KIF13B: variants seen among roughly 807,000 people sequenced by gnomAD.
KIF13B encodes the protein kinesin family member 13B, also known as kinesin-like protein KIF13B.
Under a neutral mutation model 222.0 loss-of-function variants are expected in KIF13B, and 127 were observed. The ratio of observed to expected loss-of-function variants is 0.57; its 90% confidence interval spans 0.50 to 0.66. The LOEUF is 0.66. Among genes scored for constraint, KIF13B ranks in the 30% least tolerant of loss-of-function variants. The pLI is 0.00. For synonymous variants in KIF13B, 976 were observed against 919.0 expected (o/e 1.06, Z -1.12); for missense variants, 2,173 against 2,379.0 (o/e 0.91, Z 1.80).
intron 21 of KIF13B, 121 bp downstream of exon 21, chr8:29,139,942 G>A: frequency 2.3e-6 from 2 of 875,094 alleles, no homozygotes; most frequent in Non-Finnish European, 3.4e-6. Context: ...AAGACCTGCA[G>A]TTCTCAAAAT....
At position 29,072,294 on chromosome 8, in the gene KIF13B, T is replaced by C; in HGVS notation, c.4544A>G (p.Asp1515Gly). The C allele has an allele frequency of 7.0e-7, 1 of 1,435,128 alleles. No homozygotes were observed. The allele number at this position is 1,435,128 out of a possible 1,614,324, so 88.9% of individuals were successfully genotyped here. ...GGCCCCCATCGTCTGCACCAGCACG[T>C]CAGGGCCCATCTCCGGCTGAGCCTG... The part of the protein sequence containing the change: ...MEEAQPEMGP[D>G]VLVQTMGAPA... The change falls in exon 39 of 40, where the codon GAC becomes GGC. Residue 1515 changes from aspartate to glycine, a missense_variant. Asp to Gly is a moderately conservative substitution (Grantham distance 94, BLOSUM62 -1). Around this residue, in one of 2 missense-constraint regions of KIF13B, gnomAD observed 693 missense variants for 656.2 expected, o/e 1.06. Coordinates refer to ENST00000524189, the MANE Select transcript of KIF13B (RefSeq NM_015254.4).
chr8:29,216,798 C>T (rs1195646021), intron 2 of KIF13B, among the ~76,000 whole-genome samples: 1 of 152,000 alleles, frequency 6.6e-6, no homozygotes, highest in African/African-American at 2.4e-5. Context: ...AAGTGGGCAG[C>T]CTGAGACTGG....
chr8:29,098,170 C>CAAAAAAAAAAAAA lies in KIF13B; in HGVS notation c.4324+950_4324+962dup, dbSNP rs147089450. On this transcript the variant is annotated intron_variant, in intron 36 of 39. Coordinates refer to ENST00000524189, the MANE Select transcript of KIF13B (RefSeq NM_015254.4). ...TGGGCGACAGAGTCAGACTCCATCTCAAAAAAAAAAAAAAAAAAAAGTAAG... is the reference window on the plus strand; with the variant it reads ...TGGGCGACAGAGTCAGACTCCATCTCAAAAAAAAAAAAAAAAAAAAAAAAAAAAAAAAAGTAAG... Among the ~76,000 whole-genome samples the CAAAAAAAAAAAAA allele has an allele frequency of 3.2e-3, 96 of 30,284 alleles. 11 individuals carry two copies. Among genetic ancestry groups the CAAAAAAAAAAAAA allele is most frequent in the African/African-American group, 0.012 (72 of 6,090 alleles). 19.9% of individuals were successfully genotyped at this position (30,284 alleles called of 152,430 possible). A position where few individuals can be genotyped will look rare whatever the true frequency, so the allele number is the denominator to read the frequency against.
At position 29,090,285 on chromosome 8, in the gene KIF13B, G is replaced by C. The variant is rs554426715; in HGVS notation, c.4458+2460C>G. On this transcript the variant is annotated intron_variant, in intron 37 of 39. Coordinates refer to ENST00000524189, the MANE Select transcript of KIF13B (RefSeq NM_015254.4). ...ACACCACTGACGACTGTGAGGCTGTGAAAGATCATTCTGGCTACTCTGTTT... is the reference window on the plus strand; with the variant it reads ...ACACCACTGACGACTGTGAGGCTGTCAAAGATCATTCTGGCTACTCTGTTT... 4.5e-4 allele frequency among the ~76,000 whole-genome samples: 68 copies of C among 152,286 alleles called. 1 individual carries two copies. The highest frequency in any genetic ancestry group is 8.1e-4 in the Non-Finnish European group (55 of 68,016).
chr8:29,226,881 A>T (rs1815050455), intron 2 of KIF13B, among the ~76,000 whole-genome samples: 1 of 152,076 alleles, frequency 6.6e-6, no homozygotes, highest in South Asian at 2.1e-4. Context: ...AAATGGAAGC[A>T]ATTATTTTCA....
chr8:29,137,700 C>T (rs914932398), intron 21 of KIF13B, among the ~76,000 whole-genome samples: 2 of 152,132 alleles, frequency 1.3e-5, no homozygotes. Context: ...CCATTACATG[C>T]CAGTATATGG....
At chr8:29,117,390 A>G (rs1809653647) in intron 30 of KIF13B, among the ~76,000 whole-genome samples, 1 of 152,190 alleles carries the variant, frequency 6.6e-6, no homozygotes, top group Admixed American at 6.5e-5. Context: ...TTGCTAAACC[A>G]CTTTCAAGTA....
chr8:29,109,999 A>C lies in KIF13B; in HGVS notation c.4002T>G (p.Ala1334=). 1 of 1,607,300 alleles carries C rather than the reference A, an allele frequency of 6.2e-7. No individual in the cohort carries two copies. The highest frequency in any genetic ancestry group is 8.5e-7 in the Non-Finnish European group (1 of 1,176,868). Residue 1334 remains alanine (A), a synonymous_variant, in exon 33 of 40, where the codon GCT becomes GCG. Transcript: ENST00000524189. Reference sequence around the variant, plus strand: ...ACTTTTCAATATAAGCCTCCGAGTCAGCAGAAGCTGGGTTTTCAACATTGG... The same window carrying C: ...ACTTTTCAATATAAGCCTCCGAGTCCGCAGAAGCTGGGTTTTCAACATTGG... The part of the protein sequence containing the change: ...MAANVENPAS[A]DSEAYIEKYL...
At chr8:29,262,496 G>A (rs1816714549) in intron 1 of KIF13B, among the ~76,000 whole-genome samples, 1 of 152,148 alleles carries the variant, frequency 6.6e-6, no homozygotes, top group Non-Finnish European at 1.5e-5. Context: ...GGCCAAGGCG[G>A]TGCAGGCTTG....
chr8:29,243,355 A>C (rs1210580591), intron 2 of KIF13B, among the ~76,000 whole-genome samples: 1 of 150,702 alleles, frequency 6.6e-6, no homozygotes, highest in Non-Finnish European at 1.5e-5. Context: ...TCTCAAAAAA[A>C]AAAAAAAAAT....
intron 6 of KIF13B, among the ~76,000 whole-genome samples, chr8:29,183,542 C>G (rs1162869671): frequency 1.3e-5 from 2 of 152,200 alleles, no homozygotes; most frequent in Non-Finnish European, 2.9e-5. Flanking sequence ...ATAATCTGCT[C>G]TTGACCACCT....
intron 35 of KIF13B, among the ~76,000 whole-genome samples, chr8:29,100,857 G>A (rs1182639456): frequency 1.3e-5 from 2 of 152,130 alleles, no homozygotes; most frequent in African/African-American, 4.8e-5. Flanking sequence ...GAAATGTATT[G>A]GAAACCCATC....
chr8:29,150,945 G>C (rs1381523016), intron 14 of KIF13B, among the ~76,000 whole-genome samples: 1 of 152,102 alleles, frequency 6.6e-6, no homozygotes, highest in Non-Finnish European at 1.5e-5. Flanking sequence ...CTCTCAAAAG[G>C]TGGAAATAAT....
At chr8:29,260,352 T>C (rs754815977) in intron 1 of KIF13B, among the ~76,000 whole-genome samples, 21 of 151,990 alleles carry the variant, frequency 1.4e-4, no homozygotes, top group Non-Finnish European at 2.5e-4. Flanking sequence ...AATATCAGAG[T>C]CTACACAGTA....
chr8:29,085,435 T>C (rs1236933047), intron 37 of KIF13B, among the ~76,000 whole-genome samples: 2 of 152,238 alleles, frequency 1.3e-5, no homozygotes, highest in Non-Finnish European at 2.9e-5. Context: ...ACAGGACCCA[T>C]TCTATTCCTC....
chr8:29,074,644 G>A (rs1807468376), intron 38 of KIF13B, among the ~76,000 whole-genome samples: 2 of 152,236 alleles, frequency 1.3e-5, no homozygotes, highest in South Asian at 2.1e-4. Context: ...GGGGCACCCC[G>A]ATCCCGGCCA....
chr8:29,175,905 C>T (rs6558098), intron 10 of KIF13B, among the ~76,000 whole-genome samples, 163 bp downstream of exon 10: 136,165 of 152,284 alleles, frequency 0.89, 61,644 homozygotes, highest in African/African-American at 0.97. Context: ...AAAAAACCTA[C>T]GTTTATTCCA....
chr8:29,189,725 C>G (rs921252864), intron 4 of KIF13B: 1 of 152,408 alleles, frequency 6.6e-6, no homozygotes, highest in Admixed American at 6.5e-5. Context: ...GGCCGGTGCT[C>G]CCCTTCTTTC....
rs1807125090 is a variant in KIF13B, at chr8:29,068,950, CCTT to C, written c.*1551_*1553del. On this transcript the variant is annotated 3_prime_UTR_variant, in exon 40 of 40. Coordinates refer to ENST00000524189, the MANE Select transcript of KIF13B (RefSeq NM_015254.4). The surrounding 1 kb of genome is among the most constrained non-coding windows in gnomAD (Gnocchi z 4.4). ...GGGCCCTCTGCCAGCCCGGCCGCAG[CCTT>C]CGTGTCCCTCGCCAACTGGGGAGAG... The C allele has an allele frequency of 6.6e-6, 1 of 152,180 alleles. No individual in the cohort carries two copies. The highest frequency in any genetic ancestry group is 1.5e-5 in the Non-Finnish European group (1 of 68,062). 9.4% of individuals were successfully genotyped at this position (152,180 alleles called of 1,614,324 possible).
Sources: allele counts gnomAD v4.1 joint callset (sites outside exome capture counted in the v4.1 genomes callset), GRCh38; gene constraint gnomAD v4.1.1; regional missense constraint gnomAD v4.1.1; non-coding constraint Gnocchi (gnomAD v3.1); transcripts MANE v1.5; gene names NCBI Gene and HGNC (gene_info 2026-07-23, HGNC 2026-07-21).